Variants in PRSS23 observed in about 807,000 individuals in gnomAD.
PRSS23 encodes protease, serine 23.
In PRSS23, 25 loss-of-function variants were observed where a neutral mutation model predicts 34.7. The ratio of observed to expected loss-of-function variants is 0.72; its 90% CI spans 0.53 to 1.01. The LOEUF (loss-of-function observed/expected upper bound fraction) is 1.01, where lower values mean the gene tolerates loss of function less well. Among genes scored for constraint, PRSS23 ranks in the 50% least tolerant of loss-of-function variants. PRSS23 has a pLI of 0.00. For synonymous variants in PRSS23, 176 were observed against 186.6 expected, an observed-to-expected ratio of 0.94 and a Z score of 0.46; for missense variants, 445 against 475.6, an observed-to-expected ratio of 0.94 and a Z score of 0.60.
chr11:86,840,811 C>A (rs1948441810), intron 2 of PRSS23, among the ~76,000 whole-genome samples: 1 of 152,132 alleles, frequency 6.6e-6, no homozygotes, highest in Non-Finnish European at 1.5e-5. Flanking sequence ...GATACTCACT[C>A]AAAACTGCAC....
chr11:86,864,505 C>G (rs1209417298), intron 2 of PRSS23, among the ~76,000 whole-genome samples: 1 of 152,244 alleles, frequency 6.6e-6, no homozygotes, highest in Non-Finnish European at 1.5e-5. Context: ...ATCAGTCTCT[C>G]TGGAGCTGCC....
intron 2 of PRSS23, chr11:86,950,731 T>C (rs553247658): frequency 2.7e-5 from 7 of 254,784 alleles, no homozygotes; most frequent in African/African-American, 8.8e-5. Flanking sequence ...CCAGTTAGTA[T>C]TTAAAATGGT....
intron 2 of PRSS23, among the ~76,000 whole-genome samples, chr11:86,838,147 A>G (rs1234705482): frequency 1.3e-5 from 2 of 152,046 alleles, no homozygotes; most frequent in Non-Finnish European, 1.5e-5. Context: ...TGTGTTTACA[A>G]TATAAAATTT....
At position 86,808,743 on chromosome 11, in the gene PRSS23, C is replaced by A; in HGVS notation, c.1100C>A (p.Ala367Asp). 1 of 1,613,870 alleles carries A rather than the reference C, an allele frequency of 6.2e-7. No individual in the cohort carries two copies. Among genetic ancestry groups the A allele is most frequent in the Non-Finnish European group, 8.5e-7 (1 of 1,179,882 alleles). ...VAVRITPLKY[A>D]QICYWIKGNY... is the part of the protein sequence containing the mutation. ...GTCAGAATCACTCCTCTCAAATATG[C>A]CCAGATTTGCTATTGGATTAAAGGA... is the stretch of plus-strand genomic sequence containing the variant. Residue 367 changes from alanine to aspartate, a missense_variant, in exon 2 of 2, where the codon GCC (alanine) becomes GAC (aspartate). Transcript: ENST00000280258.
downstream of PRSS23, among the ~76,000 whole-genome samples, chr11:86,813,914 A>G (rs1296857797): frequency 6.6e-6 from 1 of 152,202 alleles, no homozygotes; most frequent in African/African-American, 2.4e-5. Flanking sequence ...TTGGAAGTAG[A>G]GGATATTGAA....
intron 1 of PRSS23, among the ~76,000 whole-genome samples, chr11:86,817,726 A>G (rs1321521543): frequency 6.6e-6 from 1 of 152,242 alleles, no homozygotes. Flanking sequence ...TCATTCATTT[A>G]TGAAACCAAC....
At chr11:86,800,016 C>A (rs1204664731), upstream of PRSS23, among the ~76,000 whole-genome samples, 1 of 152,174 alleles carries the variant, frequency 6.6e-6, no homozygotes, top group Non-Finnish European at 1.5e-5. Flanking sequence ...GGGGGTGGGG[C>A]GCACACAGGT....
Position 86,800,575 on chromosome 11 carries a change from C to T in PRSS23, c.-90C>T, listed in dbSNP as rs1948021652. On this transcript the variant is annotated 5_prime_UTR_variant, in exon 1 of 2. Coordinates refer to ENST00000280258, the MANE Select transcript of PRSS23 (RefSeq NM_007173.6). Reference sequence around the variant, plus strand: ...CTGTGCGGCGGGGCAGGCATGGGAGCCGCGCGCTCTCTCCCGGCGCCCACA... The same window carrying T: ...CTGTGCGGCGGGGCAGGCATGGGAGTCGCGCGCTCTCTCCCGGCGCCCACA... 8.1e-6 allele frequency: 8 copies of T among 984,938 alleles called. No individual in the cohort carries two copies. Among genetic ancestry groups the T allele is most frequent in the Non-Finnish European group, 8.4e-6 (7 of 829,790 alleles). 61.0% of individuals were successfully genotyped at this position (984,938 alleles called of 1,614,324 possible).
intron 1 of PRSS23, among the ~76,000 whole-genome samples, chr11:86,819,413 GCTATATATAATTTATTAACTT>G (rs1948237575): frequency 1.3e-5 from 2 of 152,046 alleles, no homozygotes; most frequent in South Asian, 4.2e-4. Flanking sequence ...CACCTACACT[GCTATATATAATTTATTAACTT>G]AGTTTAGTCT....
Position 86,826,400 on chromosome 11 carries a change from G to A in PRSS23, c.206+2807G>A, listed in dbSNP as rs886855306. On this transcript the variant is annotated intron_variant, in intron 2 of 2. Transcript: ENST00000533902. ...GCTTAAGGAGATTTTGCGCTGAGAC[G>A]ATGGGGTTTTCTAGATATACAATCA... 1.3e-3 allele frequency among the ~76,000 whole-genome samples: 196 copies of A among 152,234 alleles called. 1 individual carries two copies. Among genetic ancestry groups the A allele is most frequent in the African/African-American group, 4.3e-3 (178 of 41,532 alleles).
chr11:86,830,692 C>T (rs1948347644), intron 2 of PRSS23, among the ~76,000 whole-genome samples: 1 of 152,112 alleles, frequency 6.6e-6, no homozygotes, highest in Non-Finnish European at 1.5e-5. Context: ...GGCTATACAC[C>T]CCGTAATATT....
At chr11:86,876,227 C>T (rs1487696316) in intron 2 of PRSS23, among the ~76,000 whole-genome samples, 1 of 152,092 alleles carries the variant, frequency 6.6e-6, no homozygotes, top group African/African-American at 2.4e-5. Context: ...AGATGCTTGC[C>T]ATGTACCAAA....
At chr11:86,872,861 C>T (rs889068610) in intron 2 of PRSS23, among the ~76,000 whole-genome samples, 6 of 152,114 alleles carry the variant, frequency 3.9e-5, no homozygotes, top group Non-Finnish European at 8.8e-5. Context: ...ATTTCAGTTT[C>T]CTTATCTATG....
At chr11:86,807,443 A>G (rs1021783273) in intron 1 of PRSS23, among the ~76,000 whole-genome samples, 188 bp from the exon 2 acceptor site, 1 of 152,152 alleles carries the variant, frequency 6.6e-6, no homozygotes, top group Non-Finnish European at 1.5e-5. Context: ...AGCCACAGGA[A>G]CTTTCCTAAG....
intron 2 of PRSS23, among the ~76,000 whole-genome samples, chr11:86,926,462 C>T (rs1164190291): frequency 6.6e-6 from 1 of 152,112 alleles, no homozygotes; most frequent in Non-Finnish European, 1.5e-5. Context: ...AGTTGCAAGA[C>T]CCACCTGAAA....
chr11:86,822,831 T>C (rs1342459524), intron 1 of PRSS23, among the ~76,000 whole-genome samples: 3 of 152,300 alleles, frequency 2.0e-5, no homozygotes, highest in South Asian at 2.1e-4. Flanking sequence ...TCAAGGATCT[T>C]TGCAGCGTGG....
chr11:86,907,999 T>A (rs1386111123), intron 2 of PRSS23, among the ~76,000 whole-genome samples: 2 of 152,236 alleles, frequency 1.3e-5, no homozygotes, highest in South Asian at 2.1e-4. Flanking sequence ...CTGGCTTATG[T>A]CACTTAGCAT....
chr11:86,881,706 A>T (rs1565375505), intron 2 of PRSS23, among the ~76,000 whole-genome samples: 1 of 152,190 alleles, frequency 6.6e-6, no homozygotes, highest in Admixed American at 6.5e-5. Flanking sequence ...AGAATTCACC[A>T]GTGAAATCAT....
chr11:86,947,858 C>T (rs1298078295), intron 2 of PRSS23: 1 of 152,158 alleles, frequency 6.6e-6, no homozygotes, highest in Non-Finnish European at 1.5e-5. Flanking sequence ...TCTCTGGAGG[C>T]CAAGGGATTT....
Sources: gnomAD v4.1 joint callset for allele counts (sites outside exome capture counted in the v4.1 genomes callset) on GRCh38, gnomAD v4.1.1 for gene constraint, MANE v1.5 for transcripts, NCBI Gene and HGNC (gene_info 2026-07-23, HGNC 2026-07-21) for gene names.